BCAS3: variants seen among roughly 807,000 people sequenced by gnomAD.
BCAS3 encodes BCAS3 microtubule associated cell migration factor.
In BCAS3, 53 loss-of-function variants were observed where a neutral mutation model predicts 116.1. That is an observed-to-expected ratio of 0.46 (90% CI 0.37 to 0.57). BCAS3 has a LOEUF of 0.57. Among genes scored for constraint, BCAS3 ranks in the 20% least tolerant of loss-of-function variants. The pLI is 0.00. For missense variants in BCAS3, 917 were observed against 1,165.4 expected, an observed-to-expected ratio of 0.79 and a Z score of 3.10; for synonymous variants, 391 against 408.2, an observed-to-expected ratio of 0.96 and a Z score of 0.51.
chr17:60,896,466 A>G (rs1194966867), intron 10 of BCAS3, among the ~76,000 whole-genome samples: 1 of 152,192 alleles, frequency 6.6e-6, no homozygotes, highest in Non-Finnish European at 1.5e-5. Flanking sequence ...TATAGTATAT[A>G]CTAATATTTG....
chr17:60,704,819 C>CA (rs1473209409), intron 4 of BCAS3, among the ~76,000 whole-genome samples: 1 of 144,532 alleles, frequency 6.9e-6, no homozygotes, highest in Non-Finnish European at 1.5e-5. Flanking sequence ...GCCTGGGAGA[C>CA]AGAGTGAGAC....
At chr17:61,178,738 G>C (rs2079295201) in intron 22 of BCAS3, among the ~76,000 whole-genome samples, 1 of 152,080 alleles carries the variant, frequency 6.6e-6, no homozygotes, top group African/African-American at 2.4e-5. Flanking sequence ...ATCAAATAGA[G>C]GTGGGAAATT....
At chr17:60,824,239 A>G (rs1303382441) in intron 7 of BCAS3, among the ~76,000 whole-genome samples, 1 of 152,122 alleles carries the variant, frequency 6.6e-6, no homozygotes, top group Non-Finnish European at 1.5e-5. Flanking sequence ...GCATACATGT[A>G]TTTATAATTA....
chr17:60,793,200 C>G (rs1203310539), intron 6 of BCAS3, among the ~76,000 whole-genome samples: 3 of 152,106 alleles, frequency 2.0e-5, no homozygotes, highest in Non-Finnish European at 4.4e-5. Flanking sequence ...TGGGTTCAAG[C>G]AGTTCTCTGC....
Position 60,961,486 on chromosome 17 carries a change from T to A in BCAS3, c.1221+14134T>A, listed in dbSNP as rs1319929171. ...CTCGAGATTACCCAGATGTAGTAAATTATAAAAATTATTTTATTTTTAAAA... is the reference window on the plus strand; with the variant it reads ...CTCGAGATTACCCAGATGTAGTAAAATATAAAAATTATTTTATTTTTAAAA... On this transcript the variant is annotated intron_variant, in intron 14 of 23. Coordinates refer to ENST00000407086, the MANE Select transcript of BCAS3 (RefSeq NM_017679.5). The surrounding 1 kb of genome is among the most constrained non-coding windows in gnomAD (Gnocchi z 4.8). Among the ~76,000 whole-genome samples the A allele has an allele frequency of 6.6e-6, 1 of 152,086 alleles. No homozygotes were observed. Among genetic ancestry groups the A allele is most frequent in the East Asian group, 1.9e-4 (1 of 5,190 alleles).
chr17:60,853,837 A>G (rs1370087357), intron 7 of BCAS3, among the ~76,000 whole-genome samples: 1 of 152,142 alleles, frequency 6.6e-6, no homozygotes, highest in Non-Finnish European at 1.5e-5. Context: ...GCATGTATAA[A>G]CACCTCATTC....
chr17:61,328,432 A>G (rs558143474), intron 22 of BCAS3, among the ~76,000 whole-genome samples: 24 of 152,164 alleles, frequency 1.6e-4, no homozygotes, highest in Non-Finnish European at 3.1e-4. Context: ...AACAACAGGA[A>G]GTTTATTTCT....
intron 6 of BCAS3, among the ~76,000 whole-genome samples, chr17:60,787,722 A>G (rs1165235856): frequency 2.6e-5 from 4 of 152,172 alleles, no homozygotes; most frequent in Admixed American, 2.0e-4. Context: ...AGAAAAGTAT[A>G]CAAGTGGACT....
intron 22 of BCAS3, among the ~76,000 whole-genome samples, chr17:61,288,681 G>A (rs2052072904): frequency 6.6e-6 from 1 of 152,174 alleles, no homozygotes. Context: ...ACAAGATATG[G>A]CGCACTGAAG....
rs2056485355 is a variant in BCAS3 at position 61,333,740 on chromosome 17, C to T, written c.2426-34587C>T. On this transcript the variant is annotated intron_variant, in intron 22 of 23. Coordinates refer to ENST00000407086, the MANE Select transcript of BCAS3 (RefSeq NM_017679.5). This position sits in a 1 kb window ranked among gnomAD's most constrained non-coding sequence, Gnocchi z 4.8. ...GGTTCAAGCGATTCTCCTGCCTCAG[C>T]CTCCCGAGTAGCTGGGATTACAGGG... Among the ~76,000 whole-genome samples the T allele has an allele frequency of 6.6e-6, 1 of 151,926 alleles. No homozygotes were observed. Among genetic ancestry groups the T allele is most frequent in the Admixed American group, 6.6e-5 (1 of 15,252 alleles).
chr17:60,864,895 G>A (rs1014364811), intron 7 of BCAS3, among the ~76,000 whole-genome samples: 2 of 152,174 alleles, frequency 1.3e-5, no homozygotes, highest in African/African-American at 4.8e-5. Flanking sequence ...AAGGAGGCCT[G>A]AGGAGAGGGA....
rs183736768 is a variant in BCAS3 at position 60,706,833 on chromosome 17, A to G, written c.215-2386A>G. 4.9e-3 allele frequency among the ~76,000 whole-genome samples: 711 copies of G among 144,778 alleles called. 4 individuals carry two copies. The highest frequency in any genetic ancestry group is 0.018 in the African/African-American group (687 of 38,596). 95.0% of individuals were successfully genotyped at this position (144,778 alleles called of 152,430 possible). On this transcript the variant is annotated intron_variant, in intron 4 of 23. Transcript: ENST00000407086. ...TTTTTTTTTTTTTTTTGGTGGAGAC[A>G]GGGTCTCACTCTGTCACCCAGGCTG...
intron 22 of BCAS3, among the ~76,000 whole-genome samples, chr17:61,274,544 C>T (rs1234577720): frequency 6.6e-6 from 1 of 152,130 alleles, no homozygotes; most frequent in Non-Finnish European, 1.5e-5. Context: ...CCACTGCGGC[C>T]TCCCAAAGTG....
In BCAS3 at chr17:61,168,066, A is replaced by G. The variant is rs1455271571; in HGVS notation, c.2425+83502A>G. ...TTTTATTTCTCCATTGGCTTTTATC[A>G]CTCATTGGAAACAAAGGAAATTTAT... is the stretch of plus-strand genomic sequence containing the variant. On this transcript the variant is annotated intron_variant, in intron 22 of 23. Coordinates refer to ENST00000407086, the MANE Select transcript of BCAS3 (RefSeq NM_017679.5). Among the ~76,000 whole-genome samples the G allele has an allele frequency of 2.0e-5, 3 of 152,078 alleles. No individual in the cohort carries two copies. The East Asian group carries it at 5.8e-4, about 29-fold the overall frequency.
intron 22 of BCAS3, among the ~76,000 whole-genome samples, chr17:61,262,028 A>G (rs961044973): frequency 2.0e-5 from 3 of 152,234 alleles, no homozygotes; most frequent in African/African-American, 4.8e-5. Flanking sequence ...CAATGAAATA[A>G]GAACAACAGA....
In BCAS3 at chr17:61,219,187, G is replaced by A. The variant is rs139319267; in HGVS notation, c.2425+134623G>A. Among the ~76,000 whole-genome samples the A allele has an allele frequency of 1.8e-3, 280 of 152,236 alleles. 1 individual carries two copies. Among genetic ancestry groups the A allele is most frequent in the African/African-American group, 5.9e-3 (247 of 41,552 alleles). On this transcript the variant is annotated intron_variant, in intron 22 of 23. Coordinates refer to ENST00000407086, the MANE Select transcript of BCAS3 (RefSeq NM_017679.5). This position sits in a 1 kb window ranked among gnomAD's most constrained non-coding sequence, Gnocchi z 5.2. ...AGTGTTCACTCTTCTTATGGGGGAC[G>A]AAGGTGAGTAGATGATGGTAAAGTA...
In BCAS3 at chr17:61,196,764, G is replaced by GT. The variant is rs1487536022; in HGVS notation, c.2425+112206dup. On this transcript the variant is annotated intron_variant, in intron 22 of 23. Coordinates refer to ENST00000407086, the MANE Select transcript of BCAS3 (RefSeq NM_017679.5). This position sits in a 1 kb window ranked among gnomAD's most constrained non-coding sequence, Gnocchi z 4.7. ...TTGCATTTATCGGCATTCATGCTCC[G>GT]TTTTTTCTGTTTATCATAGGGTCTA... Among the ~76,000 whole-genome samples the GT allele has an allele frequency of 6.6e-6, 1 of 152,166 alleles. No individual in the cohort carries two copies. The highest frequency in any genetic ancestry group is 1.5e-5 in the Non-Finnish European group (1 of 68,040).
At chr17:61,109,260 G>A (rs890950815) in intron 22 of BCAS3, among the ~76,000 whole-genome samples, 1 of 149,170 alleles carries the variant, frequency 6.7e-6, no homozygotes, top group African/African-American at 2.5e-5. Context: ...TTCATTCCTT[G>A]TTACGGCCGA....
At chr17:61,386,659 T>C (rs978432436) in intron 23 of BCAS3, among the ~76,000 whole-genome samples, 8 of 152,266 alleles carry the variant, frequency 5.3e-5, no homozygotes, top group Non-Finnish European at 1.0e-4. Flanking sequence ...AGACTAGGGC[T>C]CAATGCCCCC....
Sources: allele counts gnomAD v4.1 joint callset (sites outside exome capture counted in the v4.1 genomes callset), GRCh38; gene constraint gnomAD v4.1.1; non-coding constraint Gnocchi (gnomAD v3.1); transcripts MANE v1.5; gene names NCBI Gene and HGNC (gene_info 2026-07-23, HGNC 2026-07-21).